The following NRG1 variants were observed in gnomAD, a reference collection of about 807,000 sequenced individuals.
NRG1 encodes the protein pro-neuregulin-1, membrane-bound isoform.
Under a neutral mutation model 63.8 loss-of-function variants are expected in NRG1, and 18 were observed. The ratio of observed to expected loss-of-function variants is 0.28; its 90% CI spans 0.19 to 0.42. NRG1 has a LOEUF of 0.42. Among genes scored for constraint, NRG1 ranks in the 10% least tolerant of loss-of-function variants. The pLI is 1.00. For synonymous variants in NRG1, 302 were observed against 301.3 expected (o/e 1.00, Z -0.02); for missense variants, 762 against 814.7 (o/e 0.94, Z 0.79).
chr8:32,731,897 C>T (rs1823757365), intron 6 of NRG1, among the ~76,000 whole-genome samples: 1 of 152,170 alleles, frequency 6.6e-6, no homozygotes, highest in Non-Finnish European at 1.5e-5. Context: ...AGCTTTATCC[C>T]TGACTAAAGA....
chr8:32,635,594 C>T (rs145043262), intron 5 of NRG1, among the ~76,000 whole-genome samples: 8 of 151,940 alleles, frequency 5.3e-5, no homozygotes, highest in Non-Finnish European at 8.8e-5. Flanking sequence ...ACACATTTTT[C>T]CCCCACCACA....
At chr8:32,447,736 G>C (rs528335792) in intron 1 of NRG1, among the ~76,000 whole-genome samples, 7 of 151,906 alleles carry the variant, frequency 4.6e-5, no homozygotes, top group Non-Finnish European at 8.8e-5. Context: ...AGTCGAGCAT[G>C]GCGGTGGCTC....
At chr8:32,736,610 GATA>G (rs1264249154) in intron 6 of NRG1, among the ~76,000 whole-genome samples, 1 of 152,164 alleles carries the variant, frequency 6.6e-6, no homozygotes, top group East Asian at 1.9e-4. Context: ...AAAGCAGACA[GATA>G]ATAGGGACTT....
chr8:32,206,743 A>G (rs1426488397), intron 1 of NRG1, among the ~76,000 whole-genome samples: 2 of 152,196 alleles, frequency 1.3e-5, no homozygotes, highest in Non-Finnish European at 1.5e-5. Flanking sequence ...TCACCTGAAT[A>G]TAGTGTACAT....
chr8:32,397,035 C>T (rs552404294), intron 1 of NRG1, among the ~76,000 whole-genome samples: 3 of 152,214 alleles, frequency 2.0e-5, no homozygotes, highest in African/African-American at 7.2e-5. Context: ...CCCACTTTCT[C>T]GCATCAAAGT....
chr8:32,595,980 A>T, exon 2 of NRG1: 2 of 1,613,560 alleles, frequency 1.2e-6, no homozygotes, highest in South Asian at 1.1e-5. Flanking sequence ...CAAACCACAA[A>T]ATATCAAGAT....
At chr8:31,724,370 G>C (rs559994433) in intron 1 of NRG1, among the ~76,000 whole-genome samples, 120 of 152,088 alleles carry the variant, frequency 7.9e-4, no homozygotes, top group Non-Finnish European at 1.6e-3. Context: ...AATATGAAAG[G>C]AGTCCAAGGG....
chr8:31,882,578 T>C (rs978996268), intron 1 of NRG1, among the ~76,000 whole-genome samples: 1 of 152,136 alleles, frequency 6.6e-6, no homozygotes, highest in African/African-American at 2.4e-5. Flanking sequence ...CTGGTGTATG[T>C]GGACAAAGTT....
At chr8:31,752,956 T>C (rs1816633903) in intron 1 of NRG1, among the ~76,000 whole-genome samples, 1 of 152,072 alleles carries the variant, frequency 6.6e-6, no homozygotes, top group East Asian at 1.9e-4. Context: ...GGCCACCTAC[T>C]GTGTTTTATT....
At chr8:32,302,040 G>A (rs1051955515) in intron 1 of NRG1, among the ~76,000 whole-genome samples, 8 of 152,170 alleles carry the variant, frequency 5.3e-5, no homozygotes, top group Non-Finnish European at 7.3e-5. Context: ...CTGACATTCT[G>A]TCTAATTTAG....
intron 1 of NRG1, among the ~76,000 whole-genome samples, chr8:32,494,541 T>A (rs949054298): frequency 6.6e-5 from 10 of 152,202 alleles, no homozygotes; most frequent in African/African-American, 2.4e-4. Context: ...AGAGTTATCC[T>A]TTCTCTTGAT....
At chr8:32,591,902 C>T (rs1249860253) in intron 1 of NRG1, among the ~76,000 whole-genome samples, 2 of 151,898 alleles carry the variant, frequency 1.3e-5, no homozygotes, top group Non-Finnish European at 2.9e-5. Flanking sequence ...ACTCAATTTA[C>T]CCATATAAAA....
Position 32,721,947 on chromosome 8 carries a change from C to T in NRG1, c.503-6002C>T, listed in dbSNP as rs1248429964. The T allele has an allele frequency of 2.6e-6, 4 of 1,535,856 alleles. No homozygotes were observed. The African/African-American group carries it at 5.6e-5, about 21-fold the overall frequency. Reference sequence around the variant, plus strand: ...TACCTAATTGCAAAGGAGCTATATTCAGAGCAAGAATAATAATTTCAGATT... The same window carrying T: ...TACCTAATTGCAAAGGAGCTATATTTAGAGCAAGAATAATAATTTCAGATT... On this transcript the variant is annotated intron_variant, in intron 5 of 11. Transcript: ENST00000356819.
At chr8:32,625,166 T>A (rs925792908) in intron 5 of NRG1, among the ~76,000 whole-genome samples, 1 of 152,268 alleles carries the variant, frequency 6.6e-6, no homozygotes, top group African/African-American at 2.4e-5. Context: ...CCATACAAGC[T>A]GTGAATACTT....
At chr8:31,773,740 T>C (rs1818852124) in intron 1 of NRG1, among the ~76,000 whole-genome samples, 1 of 152,108 alleles carries the variant, frequency 6.6e-6, no homozygotes, top group African/African-American at 2.4e-5. Flanking sequence ...CCTTCCTATC[T>C]TTTCAAATCC....
chr8:32,395,972 G>C (rs1172615966), intron 1 of NRG1, among the ~76,000 whole-genome samples: 5 of 152,012 alleles, frequency 3.3e-5, no homozygotes, highest in African/African-American at 4.8e-5. Context: ...AGCATCTTTT[G>C]CCCAAAAGAT....
At chr8:32,053,211 G>A (rs776210762) in intron 1 of NRG1, among the ~76,000 whole-genome samples, 4 of 152,068 alleles carry the variant, frequency 2.6e-5, no homozygotes, top group Admixed American at 2.0e-4. Flanking sequence ...CTCTGTGGCC[G>A]CTAAGTCTCC....
At chr8:32,640,787 C>A (rs1343479241) in intron 5 of NRG1, among the ~76,000 whole-genome samples, 1 of 152,014 alleles carries the variant, frequency 6.6e-6, no homozygotes, top group African/African-American at 2.4e-5. Flanking sequence ...CAACTCCATC[C>A]TATTTCCCTA....
chr8:32,748,341 A>G (rs866972950), intron 7 of NRG1, among the ~76,000 whole-genome samples: 131 of 81,348 alleles, frequency 1.6e-3, no homozygotes, highest in East Asian at 7.4e-3. Context: ...GCGCGCGCGC[A>G]CACACACACA....
Sources: allele counts gnomAD v4.1 joint callset (sites outside exome capture counted in the v4.1 genomes callset), GRCh38; gene constraint gnomAD v4.1.1; transcripts MANE v1.5; gene names NCBI Gene and HGNC (gene_info 2026-07-23, HGNC 2026-07-21).